SCAF8: variants seen among roughly 807,000 people sequenced by gnomAD.
The protein encoded by SCAF8 is SR-related CTD associated factor 8.
SCAF8 carries 23 observed loss-of-function variants against 140.5 expected under a neutral mutation model. The observed-to-expected ratio is 0.16, with a 90% confidence interval of 0.12 to 0.23. The LOEUF (loss-of-function observed/expected upper bound fraction) is 0.23, where lower values mean the gene tolerates loss of function less well. SCAF8 is among the 10% of genes least tolerant of loss of function. SCAF8 has a pLI of 1.00. For missense variants in SCAF8, 1,397 were observed against 1,555.7 expected, an observed-to-expected ratio of 0.90 and a Z score of 1.72; for synonymous variants, 575 against 528.9, an observed-to-expected ratio of 1.09 and a Z score of -1.20.
chr6:154,811,271 T>C (rs2114651747), intron 12 of SCAF8, among the ~76,000 whole-genome samples: 1 of 152,326 alleles, frequency 6.6e-6, no homozygotes, highest in Non-Finnish European at 1.5e-5. Flanking sequence ...TCTCGCATGA[T>C]TACCATTAAG....
chr6:154,819,917 G>T (rs901336344), intron 14 of SCAF8, among the ~76,000 whole-genome samples: 1 of 150,052 alleles, frequency 6.7e-6, no homozygotes, highest in Non-Finnish European at 1.5e-5. Context: ...GCTTGAGCCC[G>T]GAAGGTCAAG....
chr6:154,800,215 T>C (rs1005172475), intron 6 of SCAF8, among the ~76,000 whole-genome samples: 1 of 151,514 alleles, frequency 6.6e-6, no homozygotes, highest in African/African-American at 2.4e-5. Flanking sequence ...TGGTTTTTTT[T>C]CTACCTCTTC....
In SCAF8 at chr6:154,833,469, C is replaced by T; in HGVS notation, c.*74C>T. The stretch of plus-strand genomic sequence containing the variant: ...TGTAATAGATAATGGCTGACTGGAC[C>T]ATAGTTGTTCACTTTTGTCTGCCAG... On this transcript the variant is annotated 3_prime_UTR_variant, in exon 20 of 20. Transcript: ENST00000367178. The T allele has an allele frequency of 7.2e-7, 1 of 1,384,852 alleles. No individual in the cohort carries two copies. The highest frequency in any genetic ancestry group is 9.9e-7 in the Non-Finnish European group (1 of 1,014,998). 85.8% of individuals were successfully genotyped at this position (1,384,852 alleles called of 1,614,324 possible).
At chr6:154,748,091 C>G (rs752649692) in intron 1 of SCAF8, among the ~76,000 whole-genome samples, 65 of 152,260 alleles carry the variant, frequency 4.3e-4, no homozygotes, top group African/African-American at 1.5e-3. Context: ...TCATTGCTTT[C>G]TATCTCTTCC....
In SCAF8 at chr6:154,827,231, G is replaced by A. The variant is rs764203768; in HGVS notation, c.2131G>A (p.Val711Ile). ...VVPPPTIPPV[V>I]PTSLVQPSLS... is the part of the protein sequence containing the mutation. ...GCCACCCCCTACGATTCCACCAGTA[G>A]TACCAACATGTAAGTTTTCTACTTT... Residue 711 changes from valine (V) to isoleucine (I), a missense_variant, in exon 18 of 20, where the codon GTA becomes ATA. This residue lies in a region of SCAF8 where 930 missense variants were observed against 874.6 expected (regional missense o/e 1.06). Transcript: ENST00000367178. 2 of 1,598,760 alleles carry A rather than the reference G, an allele frequency of 1.3e-6. No individual in the cohort carries two copies. The highest frequency in any genetic ancestry group is 4.5e-5 in the East Asian group (2 of 44,022).
intron 1 of SCAF8, among the ~76,000 whole-genome samples, chr6:154,740,770 C>T (rs954928119): frequency 6.6e-6 from 1 of 152,036 alleles, no homozygotes; most frequent in Non-Finnish European, 1.5e-5. Flanking sequence ...AGGCACGCAC[C>T]TCCATGCCTG....
In SCAF8 at chr6:154,790,676, A is replaced by G. The variant is rs1401145282; in HGVS notation, c.322-2147A>G. Among the ~76,000 whole-genome samples, 7 of 151,502 alleles carry G rather than the reference A, an allele frequency of 4.6e-5. No individual in the cohort carries two copies. In the East Asian group the frequency reaches 9.7e-4, roughly 21 times the overall value. On this transcript the variant is annotated intron_variant, in intron 4 of 19. Coordinates refer to ENST00000367178, the MANE Select transcript of SCAF8 (RefSeq NM_014892.5). ...CAGGCGCCCACCACCACGCCTGGCT[A>G]ATGTTTTGTATTTTTAGTAGAGACT...
Position 154,833,357 on chromosome 6 carries a change from G to A in SCAF8, c.3778G>A (p.Glu1260Lys). 5 of 1,613,726 alleles carry A rather than the reference G, an allele frequency of 3.1e-6. No individual in the cohort carries two copies. Among genetic ancestry groups the A allele is most frequent in the Non-Finnish European group, 4.2e-6 (5 of 1,179,866 alleles). The change falls in exon 20 of 20, where the codon GAA becomes AAA. Residue 1260 changes from glutamate (E) to lysine (K), a missense_variant. This residue lies in a region of SCAF8 where 930 missense variants were observed against 874.6 expected (regional missense o/e 1.06). Coordinates refer to ENST00000367178, the MANE Select transcript of SCAF8 (RefSeq NM_014892.5). The part of the protein sequence containing the change: ...KSDTVADIES[E>K]PVVESTETEG... ...TGACACAGTTGCTGATATAGAAAGT[G>A]AACCAGTGGTAGAAAGCACAGAAAC...
intron 1 of SCAF8, among the ~76,000 whole-genome samples, chr6:154,754,288 T>C (rs538382731): frequency 1.3e-5 from 2 of 152,368 alleles, no homozygotes; most frequent in African/African-American, 4.8e-5. Flanking sequence ...AAAAGCTTTA[T>C]AATCTTTTGT....
At chr6:154,743,500 G>T (rs1267390829) in intron 1 of SCAF8, among the ~76,000 whole-genome samples, 1 of 152,118 alleles carries the variant, frequency 6.6e-6, no homozygotes, top group African/African-American at 2.4e-5. Context: ...CATTTTTAAA[G>T]CAAACTTTTT....
At position 154,792,804 on chromosome 6, in the gene SCAF8, T is replaced by C. The variant is rs746737955; in HGVS notation, c.322-19T>C. On this transcript the variant is annotated intron_variant, in intron 4 of 19. Transcript: ENST00000367178. ...TTTGAGAGTAAAAACCAAAATGTCA[T>C]GTTTCTTTTTTTCTCTAGAGTAAAA... The C allele has an allele frequency of 5.8e-6, 9 of 1,556,364 alleles. No homozygotes were observed. The highest frequency in any genetic ancestry group is 1.7e-6 in the Non-Finnish European group (2 of 1,148,874).
chr6:154,741,769 T>A (rs913860046), intron 1 of SCAF8, among the ~76,000 whole-genome samples: 1 of 152,196 alleles, frequency 6.6e-6, no homozygotes, highest in Admixed American at 6.6e-5. Context: ...TTACTAGTTG[T>A]ATGTACAATT....
intron 6 of SCAF8, among the ~76,000 whole-genome samples, chr6:154,798,802 T>C (rs1777684184): frequency 1.3e-5 from 2 of 150,916 alleles, no homozygotes; most frequent in Non-Finnish European, 3.0e-5. Flanking sequence ...CCAAGATGTT[T>C]TGTTTGTTTG....
chr6:154,738,027 G>C (rs889712535), intron 1 of SCAF8, among the ~76,000 whole-genome samples: 2 of 151,854 alleles, frequency 1.3e-5, no homozygotes, highest in African/African-American at 4.8e-5. Context: ...GAGACTTTAG[G>C]AATACAGATT....
At chr6:154,750,365 GT>G (rs1186206771) in intron 1 of SCAF8, among the ~76,000 whole-genome samples, 2 of 152,178 alleles carry the variant, frequency 1.3e-5, no homozygotes, top group Non-Finnish European at 2.9e-5. Context: ...AGGGGACCGT[GT>G]AGTTGTTTAG....
At chr6:154,775,209 A>G (rs1776882481) in intron 2 of SCAF8, among the ~76,000 whole-genome samples, 1 of 152,198 alleles carries the variant, frequency 6.6e-6, no homozygotes, top group African/African-American at 2.4e-5. Context: ...TCTTACATCA[A>G]TAGTTAAAAT....
intron 1 of SCAF8, among the ~76,000 whole-genome samples, chr6:154,756,570 G>A (rs1424521514): frequency 6.6e-6 from 1 of 152,120 alleles, no homozygotes; most frequent in African/African-American, 2.4e-5. Context: ...TTCCCCAGTT[G>A]TCTAGTTGTT....
chr6:154,792,159 A>C (rs1777438949), intron 4 of SCAF8, among the ~76,000 whole-genome samples: 1 of 152,114 alleles, frequency 6.6e-6, no homozygotes, highest in Non-Finnish European at 1.5e-5. Flanking sequence ...GGGGAAAGGG[A>C]ATAGTAAAGA....
chr6:154,771,295 C>T (rs749653343), intron 1 of SCAF8, among the ~76,000 whole-genome samples: 2 of 152,096 alleles, frequency 1.3e-5, no homozygotes, highest in Non-Finnish European at 2.9e-5. Flanking sequence ...TTAGGTGATG[C>T]TTTAAGATGG....
Sources: allele counts gnomAD v4.1 joint callset (sites outside exome capture counted in the v4.1 genomes callset), GRCh38; gene constraint gnomAD v4.1.1; regional missense constraint gnomAD v4.1.1; transcripts MANE v1.5; gene names NCBI Gene and HGNC (gene_info 2026-07-23, HGNC 2026-07-21).